PRKD2: variants seen among roughly 807,000 people sequenced by gnomAD.
The protein encoded by PRKD2 is serine/threonine-protein kinase D2.
A neutral mutation model predicts 86.0 loss-of-function variants in PRKD2; 22 were observed. The observed-to-expected ratio is 0.26, with a 90% CI of 0.18 to 0.37. The LOEUF is 0.37. Among genes scored for constraint, PRKD2 ranks in the 10% least tolerant of loss-of-function variants. PRKD2 has a pLI of 1.00. For missense variants in PRKD2, 818 were observed against 1,199.2 expected, an observed-to-expected ratio of 0.68 and a Z score of 4.70; for synonymous variants, 509 against 510.9, an observed-to-expected ratio of 1.00 and a Z score of 0.05.
chr19:46,700,547 G>A (rs2053620981), intron 7 of PRKD2, among the ~76,000 whole-genome samples: 1 of 152,030 alleles, frequency 6.6e-6, no homozygotes, highest in African/African-American at 2.4e-5. Context: ...TGGCAGGATC[G>A]CTTGAGCCCA....
intron 9 of PRKD2, among the ~76,000 whole-genome samples, chr19:46,696,914 G>A (rs2122702577): frequency 6.6e-6 from 1 of 152,298 alleles, no homozygotes; most frequent in South Asian, 2.1e-4. Flanking sequence ...GAGGCATTTT[G>A]CAGGTGAGAA....
intron 8 of PRKD2, 101 bp downstream of exon 8, chr19:46,697,632 G>T: frequency 1.8e-6 from 2 of 1,094,758 alleles, no homozygotes; most frequent in Non-Finnish European, 2.7e-6. Context: ...CCCCGCTCGC[G>T]CCTAGCTCCA....
chr19:46,704,416 A>G (rs751429119), intron 4 of PRKD2, 25 bp from the exon 5 acceptor site: 202 of 1,613,656 alleles, frequency 1.3e-4, no homozygotes, highest in Non-Finnish European at 1.6e-4. Flanking sequence ...AATGGAGGGG[A>G]CACATCAGTG....
chr19:46,690,733 G>T lies in PRKD2; in HGVS notation c.1703-27C>A, dbSNP rs746471734. The T allele has an allele frequency of 5.6e-6, 9 of 1,599,720 alleles. No homozygotes were observed. The South Asian group carries it at 6.6e-5, about 12-fold the overall frequency. ...TGCACAGGGAGTAGAAGAGATGGGGGATGAGAGAGCAAGACCACCCAGTCC... is the reference window on the plus strand; with the variant it reads ...TGCACAGGGAGTAGAAGAGATGGGGTATGAGAGAGCAAGACCACCCAGTCC... On this transcript the variant is annotated intron_variant, in intron 12 of 17. Transcript: ENST00000291281.
At chr19:46,699,564 G>A (rs528935519) in intron 7 of PRKD2, among the ~76,000 whole-genome samples, 95 of 152,298 alleles carry the variant, frequency 6.2e-4, no homozygotes, top group South Asian at 1.9e-3. Flanking sequence ...ACAGGGAAGC[G>A]CCTAGCAAGT....
At chr19:46,700,775 T>C in intron 7 of PRKD2, 24 bp downstream of exon 7, 1 of 1,595,692 alleles carries the variant, frequency 6.3e-7, no homozygotes. Flanking sequence ...TCCCCCAGGG[T>C]CTCTTGGAGG....
chr19:46,681,458 A>G (rs949060096), intron 15 of PRKD2, among the ~76,000 whole-genome samples, 192 bp downstream of exon 15: 1 of 150,810 alleles, frequency 6.6e-6, no homozygotes. Context: ...AGGTCTCGCT[A>G]TGTTGCCCAG....
intron 10 of PRKD2, among the ~76,000 whole-genome samples, chr19:46,692,726 C>G (rs1037936208): frequency 1.3e-5 from 2 of 152,296 alleles, no homozygotes; most frequent in Admixed American, 6.5e-5. Context: ...CCCCAACATG[C>G]TATTCCTGAC....
chr19:46,690,696 C>A lies in PRKD2; in HGVS notation c.1713G>T (p.Arg571=). Residue 571 remains arginine, a synonymous_variant, in exon 13 of 18, where the codon CGG becomes CGT. Coordinates refer to ENST00000291281, the MANE Select transcript of PRKD2 (RefSeq NM_016457.5). ...TAACTGCCACGTCCCGGCCTGTCTTCCGGTGTTTTCCTGCACAGGGAGTAG... is the reference window on the plus strand; with the variant it reads ...TAACTGCCACGTCCCGGCCTGTCTTACGGTGTTTTCCTGCACAGGGAGTAG... ...QFGVVYGGKH[R]KTGRDVAVKV... The A allele has an allele frequency of 6.2e-7, 1 of 1,614,066 alleles. No individual in the cohort carries two copies. The highest frequency in any genetic ancestry group is 8.5e-7 in the Non-Finnish European group (1 of 1,179,994).
At chr19:46,689,927 A>G (rs1206047547) in intron 13 of PRKD2, among the ~76,000 whole-genome samples, 1 of 151,944 alleles carries the variant, frequency 6.6e-6, no homozygotes, top group Non-Finnish European at 1.5e-5. Flanking sequence ...AAATATAGAG[A>G]TGGGGTTTCG....
chr19:46,707,519 G>A (rs187740202), intron 3 of PRKD2, among the ~76,000 whole-genome samples: 1 of 152,098 alleles, frequency 6.6e-6, no homozygotes, highest in African/African-American at 2.4e-5. Context: ...GAACCCAGGA[G>A]GTAGAGGTTG....
chr19:46,705,643 C>T (rs1312300916), intron 3 of PRKD2, among the ~76,000 whole-genome samples: 4 of 152,058 alleles, frequency 2.6e-5, no homozygotes, highest in South Asian at 2.1e-4. Context: ...AAAACTTAGC[C>T]GGGTGTAGTG....
intron 8 of PRKD2, 129 bp downstream of exon 8, chr19:46,697,604 G>A: frequency 1.3e-6 from 1 of 787,598 alleles, no homozygotes; most frequent in Non-Finnish European, 2.1e-6. Flanking sequence ...CCTCCAGCAC[G>A]GCCCAGCCCA....
Position 46,704,396 on chromosome 19 carries a change from C to T in PRKD2, c.667-5G>A, listed in dbSNP as rs764280644. On this transcript the variant is annotated splice_polypyrimidine_tract_variant and splice_region_variant and intron_variant, in intron 4 of 17. Coordinates refer to ENST00000291281, the MANE Select transcript of PRKD2 (RefSeq NM_016457.5). ...GAGTTCGGTGGTGCTACGGCTCTGT[C>T]GTTGGCAAGAATGGAGGGGACACAT... The T allele has an allele frequency of 3.1e-6, 5 of 1,613,892 alleles. No homozygotes were observed. The highest frequency in any genetic ancestry group is 1.7e-5 in the Admixed American group (1 of 60,018).
intron 14 of PRKD2, chr19:46,686,049 G>A (rs1195896640): frequency 6.6e-6 from 1 of 152,224 alleles, no homozygotes; most frequent in Non-Finnish European, 1.5e-5. Context: ...TGCCTGAGAG[G>A]ATAAGGGTGC....
At chr19:46,686,718 G>A (rs987030868) in intron 14 of PRKD2, among the ~76,000 whole-genome samples, 6 of 151,810 alleles carry the variant, frequency 4.0e-5, no homozygotes, top group East Asian at 3.9e-4. Flanking sequence ...TTGGGAGGCC[G>A]AGGCGGGTGG....
intron 10 of PRKD2, 52 bp from the exon 11 acceptor site, chr19:46,692,037 T>C: frequency 1.3e-6 from 2 of 1,565,852 alleles, no homozygotes; most frequent in Non-Finnish European, 1.8e-6. Flanking sequence ...CAGGATTATC[T>C]CCACCCATAC....
chr19:46,683,883 G>A (rs2053353645), intron 14 of PRKD2, among the ~76,000 whole-genome samples: 1 of 151,912 alleles, frequency 6.6e-6, no homozygotes, highest in Admixed American at 6.6e-5. Context: ...ATTTGTTTGT[G>A]TCTCTTAAAT....
At chr19:46,695,708 G>C (rs2053547720) in intron 9 of PRKD2, among the ~76,000 whole-genome samples, 1 of 152,188 alleles carries the variant, frequency 6.6e-6, no homozygotes, top group South Asian at 2.1e-4. Flanking sequence ...GGGACTATGG[G>C]GTGGGAAACG....
Sources: allele counts gnomAD v4.1 joint callset (sites outside exome capture counted in the v4.1 genomes callset), GRCh38; gene constraint gnomAD v4.1.1; transcripts MANE v1.5; gene names NCBI Gene and HGNC (gene_info 2026-07-23, HGNC 2026-07-21).